Variants in CEP97 observed in about 807,000 individuals in gnomAD.
The protein encoded by CEP97 is centrosomal protein 97.
CEP97 carries 43 observed loss-of-function variants against 73.1 expected under a neutral mutation model. The observed-to-expected ratio is 0.59, with a 90% CI of 0.46 to 0.76. CEP97 has a LOEUF of 0.76. Among genes scored for constraint, CEP97 ranks in the 30% least tolerant of loss-of-function variants. The probability of loss-of-function intolerance (pLI) is 0.00; values close to 1 mark genes in which losing one functional copy is unlikely to be tolerated. For missense variants in CEP97, 939 were observed against 1,014.0 expected (o/e 0.93, Z 1.00); for synonymous variants, 337 against 370.0 (o/e 0.91, Z 1.02).
At chr3:101,732,363 T>C (rs970528683) in intron 5 of CEP97, 125 bp from the exon 6 acceptor site, 1 of 670,646 alleles carries the variant, frequency 1.5e-6, no homozygotes, top group Non-Finnish European at 2.5e-6. Context: ...TGGACACTTG[T>C]CACTTTTCAG....
In CEP97 at chr3:101,757,776, T is replaced by C. The variant is rs2107184815; in HGVS notation, c.1170T>C (p.Asp390=). The C allele has an allele frequency of 1.2e-6, 2 of 1,614,250 alleles. No individual in the cohort carries two copies. The highest frequency in any genetic ancestry group is 1.6e-4 in the Middle Eastern group (1 of 6,062). ...NDLHLEDIQT[D]EDKLNCSLLS... ...TGCACCTGGAAGACATACAGACGGA[T>C]GAGGACAAGTTAAACTGTAGTCTTC... is the stretch of plus-strand genomic sequence containing the variant. The change falls in exon 9 of 11, where the codon GAT becomes GAC. Residue 390 remains aspartate (D), a synonymous_variant. Coordinates refer to ENST00000341893, the MANE Select transcript of CEP97 (RefSeq NM_024548.4).
intron 6 of CEP97, among the ~76,000 whole-genome samples, chr3:101,753,294 G>A (rs1318055658): frequency 6.6e-6 from 1 of 152,222 alleles, no homozygotes; most frequent in Non-Finnish European, 1.5e-5. Flanking sequence ...TGAGGTGTCA[G>A]TCTGCCCCTA....
intron 6 of CEP97, among the ~76,000 whole-genome samples, chr3:101,745,118 T>C (rs1166788868): frequency 1.3e-5 from 2 of 152,248 alleles, no homozygotes; most frequent in African/African-American, 2.4e-5. Context: ...TGAATGTGTT[T>C]AGATCTCTGT....
chr3:101,728,630 C>T (rs929105441), intron 3 of CEP97, among the ~76,000 whole-genome samples: 12 of 151,948 alleles, frequency 7.9e-5, no homozygotes, highest in African/African-American at 2.9e-4. Context: ...GCCCTCTACT[C>T]ATAGAGAGAT....
intron 1 of CEP97, 74 bp downstream of exon 1, chr3:101,724,793 T>C: frequency 6.8e-7 from 1 of 1,479,422 alleles, no homozygotes; most frequent in Non-Finnish European, 9.5e-7. Flanking sequence ...GCAGAAAACC[T>C]AGGTTTAGAT....
intron 6 of CEP97, among the ~76,000 whole-genome samples, chr3:101,747,211 T>G (rs1171247408): frequency 6.6e-6 from 1 of 151,946 alleles, no homozygotes; most frequent in Non-Finnish European, 1.5e-5. Flanking sequence ...ATCATGCTGT[T>G]GGAGCATTTT....
intron 2 of CEP97, 25 bp downstream of exon 2, chr3:101,726,761 G>T (rs1337920207): frequency 1.3e-6 from 2 of 1,519,032 alleles, no homozygotes; most frequent in African/African-American, 1.4e-5. Flanking sequence ...CTGGGAAATG[G>T]TTACATAGGA....
At chr3:101,727,638 C>T in intron 3 of CEP97, 97 bp downstream of exon 3, 1 of 980,234 alleles carries the variant, frequency 1.0e-6, no homozygotes, top group South Asian at 1.8e-5. Flanking sequence ...GTACCCACTC[C>T]CACTCTCCAG....
At chr3:101,730,673 A>T (rs1026929667) in intron 4 of CEP97, among the ~76,000 whole-genome samples, 1 of 151,954 alleles carries the variant, frequency 6.6e-6, no homozygotes, top group Non-Finnish European at 1.5e-5. Flanking sequence ...AACATGTAGC[A>T]TGTAGCACTT....
intron 6 of CEP97, among the ~76,000 whole-genome samples, chr3:101,741,499 A>C (rs1000259674): frequency 9.9e-5 from 15 of 152,198 alleles, no homozygotes; most frequent in African/African-American, 3.6e-4. Context: ...AATGGGAGAA[A>C]ATTTTTGCAA....
At chr3:101,734,118 A>C (rs1576678901) in intron 6 of CEP97, among the ~76,000 whole-genome samples, 1 of 152,160 alleles carries the variant, frequency 6.6e-6, no homozygotes, top group Non-Finnish European at 1.5e-5. Flanking sequence ...GAGCCACTGC[A>C]CCTGGCCAGG....
intron 5 of CEP97, 146 bp from the exon 6 acceptor site, chr3:101,732,342 T>G: frequency 1.6e-6 from 1 of 615,286 alleles, no homozygotes; most frequent in Non-Finnish European, 2.8e-6. Context: ...TGTTGAAACT[T>G]TGGAAGTCAA....
intron 7 of CEP97, 59 bp from the exon 8 acceptor site, chr3:101,757,004 C>G: frequency 6.8e-7 from 1 of 1,461,196 alleles, no homozygotes; most frequent in Non-Finnish European, 9.1e-7. Context: ...ACCTAGGAAG[C>G]AGAAAATCTT....
intron 6 of CEP97, among the ~76,000 whole-genome samples, chr3:101,748,279 A>T (rs527468179): frequency 6.7e-6 from 1 of 149,352 alleles, no homozygotes; most frequent in Non-Finnish European, 1.5e-5. Context: ...TTGTGTAGGG[A>T]TAAGTTTATT....
intron 6 of CEP97, among the ~76,000 whole-genome samples, chr3:101,751,987 T>C (rs1341669269): frequency 6.6e-6 from 1 of 152,110 alleles, no homozygotes; most frequent in African/African-American, 2.4e-5. Flanking sequence ...CTTCCTAGCC[T>C]TGATGGTCTT....
intron 5 of CEP97, among the ~76,000 whole-genome samples, chr3:101,732,241 C>T (rs527921658): frequency 6.6e-6 from 1 of 152,268 alleles, no homozygotes; most frequent in South Asian, 2.1e-4. Flanking sequence ...TTCCTGGCTG[C>T]TGTGATGTTT....
intron 6 of CEP97, among the ~76,000 whole-genome samples, chr3:101,754,042 CTTTTTTTTTTTTTT>C (rs35323976): frequency 1.3e-5 from 1 of 75,472 alleles, no homozygotes; most frequent in South Asian, 6.4e-4. Context: ...ATTTGGCCAT[CTTTTTTTTTTTTTT>C]TTTTTTTTTT....
At chr3:101,755,376 T>A in intron 6 of CEP97, 54 bp from the exon 7 acceptor site, 3 of 1,459,304 alleles carry the variant, frequency 2.1e-6, no homozygotes, top group Non-Finnish European at 2.9e-6. Flanking sequence ...TGCCTGACAA[T>A]GTGTGTTGAC....
intron 6 of CEP97, among the ~76,000 whole-genome samples, chr3:101,737,291 G>A (rs142095750): frequency 0.049 from 7,467 of 152,124 alleles, 651 homozygotes; most frequent in African/African-American, 0.17. Flanking sequence ...CCAGGAGAAC[G>A]TCCCCAACCT....
Sources: gnomAD v4.1 joint callset for allele counts (sites outside exome capture counted in the v4.1 genomes callset) on GRCh38, gnomAD v4.1.1 for gene constraint, MANE v1.5 for transcripts, NCBI Gene and HGNC (gene_info 2026-07-23, HGNC 2026-07-21) for gene names.